The following VWF variants were observed in gnomAD, a reference collection of about 807,000 sequenced individuals.
VWF encodes the protein Factor VIII related antigen.
Under a neutral mutation model 308.6 loss-of-function variants are expected in VWF, and 176 were observed. That is an observed-to-expected ratio of 0.57 (90% confidence interval 0.50 to 0.65). The LOEUF (loss-of-function observed/expected upper bound fraction) is 0.65. Ranked by LOEUF, VWF falls within the 30% of genes least tolerant of loss-of-function variation. The pLI, the probability that VWF is intolerant of heterozygous loss-of-function variation, is 0.00. For synonymous variants in VWF, 1,385 were observed against 1,443.4 expected, an observed-to-expected ratio of 0.96 and a Z score of 0.92; for missense variants, 3,146 against 3,648.2, an observed-to-expected ratio of 0.86 and a Z score of 3.55.
intron 3 of VWF, among the ~76,000 whole-genome samples, chr12:6,111,589 G>T (rs1945307992): frequency 6.6e-6 from 1 of 152,084 alleles, no homozygotes; most frequent in Non-Finnish European, 1.5e-5. Flanking sequence ...CGCCCAGGCT[G>T]GTCTTGAGCT....
Position 6,016,592 on chromosome 12 carries a change from C to A in VWF, c.5235G>T (p.Trp1745Cys), listed in dbSNP as rs267607352. ...YGSITTIDVP[W>C]NVVPEKAHLL... ...AATGGGCTTTCTCCGGGACCACGTT[C>A]CATGGCACGTCAATGGTGGTGATGC... Residue 1745 changes from tryptophan (W) to cysteine (C), a missense_variant, in exon 30 of 52, where the codon TGG becomes TGT. By Grantham distance (215) the Trp-to-Cys change is radical (BLOSUM62 -2). Around this residue, in one of 3 missense-constraint regions of VWF, gnomAD observed 853 missense variants for 1,177.8 expected, o/e 0.72. Transcript: ENST00000261405. 6.2e-7 allele frequency: 1 copy of A among 1,614,182 alleles called. No homozygotes were observed. Among genetic ancestry groups the A allele is most frequent in the Non-Finnish European group, 8.5e-7 (1 of 1,180,040 alleles).
Position 5,991,905 on chromosome 12 carries a change from G to C in VWF, c.6712C>G (p.Pro2238Ala). 1 of 1,614,208 alleles carries C rather than the reference G, an allele frequency of 6.2e-7. No individual in the cohort carries two copies. Among genetic ancestry groups the C allele is most frequent in the Non-Finnish European group, 8.5e-7 (1 of 1,180,046 alleles). The change falls in exon 38 of 52, where the codon CCT (proline) becomes GCT (alanine). Residue 2238 changes from proline (P) to alanine (A), a missense_variant. This residue lies in a region of VWF where 989 missense variants were observed against 1,117.4 expected (regional missense o/e 0.89). Transcript: ENST00000261405. ...GDHPSEGCFC[P>A]PDKVMLEGSC... Reference sequence around the variant, plus strand: ...CCTTCCAACATGACTTTATCTGGAGGGCAGAAACAGCCTTCGGAGGGATGG... The same window carrying C: ...CCTTCCAACATGACTTTATCTGGAGCGCAGAAACAGCCTTCGGAGGGATGG...
Position 5,975,842 on chromosome 12 carries a change from T to C in VWF, c.7437+269A>G, listed in dbSNP as rs1943526510. 2.0e-5 allele frequency among the ~76,000 whole-genome samples: 3 copies of C among 152,182 alleles called. No homozygotes were observed. In the Middle Eastern group the frequency reaches 0.01, roughly 518 times the overall value. ...TGACGCAGAAATCCTTTGCTCATGC[T>C]TTTTCTTCTTACCCAGCCCTAACCC... On this transcript the variant is annotated intron_variant, in intron 43 of 51. Coordinates refer to ENST00000261405, the MANE Select transcript of VWF (RefSeq NM_000552.5).
Position 5,971,672 on chromosome 12 carries a change from C to T in VWF, c.7475G>A (p.Gly2492Glu), listed in dbSNP as rs1943477327. The T allele has an allele frequency of 6.2e-7, 1 of 1,614,222 alleles. No individual in the cohort carries two copies. Among genetic ancestry groups the T allele is most frequent in the Non-Finnish European group, 8.5e-7 (1 of 1,180,034 alleles). The part of the protein sequence containing the change: ...TYVLHEGECC[G>E]RCLPSACEVV... ...CTCACAGGCAGATGGCAGGCACCTT[C>T]CACAGCACTCGCCTTCATGCAGAAC... Residue 2492 changes from glycine (G) to glutamate (E), a missense_variant, in exon 44 of 52, where the codon GGA (glycine) becomes GAA (glutamate). Physicochemically the swap from Gly to Glu is moderately conservative, Grantham distance 98 (BLOSUM62 -2). Transcript: ENST00000261405.
At chr12:6,101,775 A>T (rs1945165156) in intron 5 of VWF, among the ~76,000 whole-genome samples, 1 of 152,130 alleles carries the variant, frequency 6.6e-6, no homozygotes, top group South Asian at 2.1e-4. Flanking sequence ...ACTCCATCTC[A>T]AAAAGAAAAA....
chr12:6,037,402 C>A (rs1944348865), intron 18 of VWF, among the ~76,000 whole-genome samples: 1 of 152,164 alleles, frequency 6.6e-6, no homozygotes. Context: ...CCACAGGCCC[C>A]CTCCTGCCCA....
chr12:6,069,890 G>A (rs1161089796), intron 10 of VWF, among the ~76,000 whole-genome samples: 1 of 152,182 alleles, frequency 6.6e-6, no homozygotes, highest in Admixed American at 6.5e-5. Flanking sequence ...TGTTCAAATA[G>A]TACTTGGATG....
intron 42 of VWF, among the ~76,000 whole-genome samples, chr12:5,976,590 C>G (rs975876276): frequency 1.3e-5 from 2 of 152,048 alleles, no homozygotes; most frequent in Non-Finnish European, 2.9e-5. Context: ...CCTATGTCAC[C>G]GAGAAGCTGT....
chr12:6,062,386 C>T (rs902387806), intron 13 of VWF, among the ~76,000 whole-genome samples: 6 of 151,960 alleles, frequency 3.9e-5, no homozygotes, highest in Non-Finnish European at 7.4e-5. Context: ...TATAAAATGG[C>T]AGTAATATTT....
chr12:6,123,838 C>A (rs1945458459), intron 1 of VWF, among the ~76,000 whole-genome samples: 1 of 152,108 alleles, frequency 6.6e-6, no homozygotes, highest in South Asian at 2.1e-4. Flanking sequence ...GCAGACTTCC[C>A]CACTGTGTGA....
rs747325784 is a variant in VWF at position 6,031,567 on chromosome 12, G to A, written c.2697C>T (p.Gly899=). The A allele has an allele frequency of 1.2e-6, 2 of 1,614,020 alleles. No individual in the cohort carries two copies. The highest frequency in any genetic ancestry group is 3.3e-5 in the Admixed American group (2 of 60,004). ...CQYVLVQDYC[G]SNPGTFRILV... is the part of the protein sequence containing the mutation. ...GGATCCGAAAGGTCCCAGGGTTACT[G>A]CCGCAGTAATCCTGGGGAAAGAGGA... The change falls in exon 21 of 52, where the codon GGC becomes GGT. Residue 899 remains glycine (G), a synonymous_variant. Transcript: ENST00000261405.
intron 15 of VWF, among the ~76,000 whole-genome samples, chr12:6,056,344 AG>A (rs1250015805): frequency 6.6e-6 from 1 of 151,962 alleles, no homozygotes; most frequent in Non-Finnish European, 1.5e-5. Context: ...GAGAATCTAA[AG>A]CCAACTGGGG....
At chr12:6,030,708 G>A (rs1944252161) in intron 21 of VWF, among the ~76,000 whole-genome samples, 1 of 152,232 alleles carries the variant, frequency 6.6e-6, no homozygotes, top group African/African-American at 2.4e-5. Context: ...AGTACACAGG[G>A]GACTGAATTA....
At chr12:6,000,797 G>A (rs1401478906) in intron 34 of VWF, among the ~76,000 whole-genome samples, 1 of 123,784 alleles carries the variant, frequency 8.1e-6, no homozygotes, top group Non-Finnish European at 1.6e-5. Context: ...GAGCCACAGA[G>A]CGAGACTCTG....
intron 47 of VWF, among the ~76,000 whole-genome samples, chr12:5,959,729 T>C (rs117158372): frequency 0.045 from 6,785 of 152,030 alleles, 204 homozygotes; most frequent in South Asian, 0.12. Context: ...CACCACCATA[T>C]TTGGAAATTA....
At chr12:6,103,422 GTA>G (rs1387282484) in intron 5 of VWF, among the ~76,000 whole-genome samples, 2 of 114,066 alleles carry the variant, frequency 1.8e-5, no homozygotes, top group Non-Finnish European at 1.6e-5. Flanking sequence ...ACACGTGTGT[GTA>G]TACACACGTG....
Position 6,058,098 on chromosome 12 carries a change from G to C in VWF, c.1534-54C>G. 6.3e-7 allele frequency: 1 copy of C among 1,589,572 alleles called. No homozygotes were observed. The highest frequency in any genetic ancestry group is 8.6e-7 in the Non-Finnish European group (1 of 1,164,154). ...CCGCTGCCGCGAAAGCAGCGGCATA[G>C]TTGTTTAGCTAATGAGATGGTTTTA... On this transcript the variant is annotated intron_variant, in intron 13 of 51. Coordinates refer to ENST00000261405, the MANE Select transcript of VWF (RefSeq NM_000552.5). This position sits in a 1 kb window ranked among gnomAD's most constrained non-coding sequence, Gnocchi z 4.9.
intron 5 of VWF, among the ~76,000 whole-genome samples, chr12:6,096,195 G>C (rs189974806): frequency 1.1e-4 from 17 of 152,172 alleles, no homozygotes; most frequent in South Asian, 4.2e-4. Flanking sequence ...GGTGAAAGAT[G>C]ATGAGGAAAT....
intron 18 of VWF, 126 bp from the exon 19 acceptor site, chr12:6,036,617 C>G (rs1944340016): frequency 2.3e-6 from 2 of 883,456 alleles, no homozygotes; most frequent in South Asian, 2.8e-5. Context: ...GGGACTGGCA[C>G]CAGGACCAGG....
Sources: gnomAD v4.1 joint callset for allele counts (sites outside exome capture counted in the v4.1 genomes callset) on GRCh38, gnomAD v4.1.1 for gene constraint, gnomAD v4.1.1 regional missense constraint, Gnocchi (gnomAD v3.1) non-coding constraint, MANE v1.5 for transcripts, NCBI Gene and HGNC (gene_info 2026-07-23, HGNC 2026-07-21) for gene names.